LRGUK: variants seen among roughly 807,000 people sequenced by gnomAD.
The protein encoded by LRGUK is leucine-rich repeat and guanylate kinase domain-containing protein.
A neutral mutation model predicts 76.0 loss-of-function variants in LRGUK; 65 were observed. The ratio of observed to expected loss-of-function variants is 0.85; its 90% CI spans 0.70 to 1.05. The LOEUF (loss-of-function observed/expected upper bound fraction) is 1.05, where lower values mean the gene tolerates loss of function less well. Among genes scored for constraint, LRGUK ranks in the 50% least tolerant of loss-of-function variants. LRGUK has a pLI of 0.00. For synonymous variants in LRGUK, 268 were observed against 265.6 expected (o/e 1.01, Z -0.09); for missense variants, 758 against 732.8 (o/e 1.03, Z -0.40).
chr7:134,144,120 C>T (rs1468812192), intron 4 of LRGUK, among the ~76,000 whole-genome samples: 4 of 152,122 alleles, frequency 2.6e-5, no homozygotes, highest in African/African-American at 4.8e-5. Flanking sequence ...AGTGCAGTTG[C>T]GCATTCTTGT....
chr7:134,250,612 T>G (rs1253264337), intron 18 of LRGUK, among the ~76,000 whole-genome samples: 2 of 152,242 alleles, frequency 1.3e-5, no homozygotes, highest in Non-Finnish European at 2.9e-5. Context: ...CCTTCCATAA[T>G]TTTGATGATG....
exon 16 of LRGUK, chr7:134,221,786 G>T: frequency 6.6e-7 from 1 of 1,517,108 alleles, no homozygotes; most frequent in Non-Finnish European, 8.8e-7. Flanking sequence ...CAGATGTTAA[G>T]ACATCCCACC....
At position 134,155,368 on chromosome 7, in the gene LRGUK, G is replaced by A. The variant is rs190111219; in HGVS notation, c.671-2667G>A. ...GAACCAGAAAGGATAGTATTAGTGA[G>A]CATAAACATCTGTTTGTAGGGCTAT... On this transcript the variant is annotated intron_variant, in intron 5 of 15. Transcript: ENST00000645682. 1.3e-5 allele frequency among the ~76,000 whole-genome samples: 2 copies of A among 152,270 alleles called. 1 individual carries two copies. Among genetic ancestry groups the A allele is most frequent in the Admixed American group, 1.3e-4 (2 of 15,278 alleles).
At chr7:134,173,467 G>A (rs1799344354) in intron 7 of LRGUK, among the ~76,000 whole-genome samples, 1 of 152,108 alleles carries the variant, frequency 6.6e-6, no homozygotes, top group South Asian at 2.1e-4. Context: ...TTGCAAAAGT[G>A]TAATATCTAC....
At chr7:134,237,050 C>CTTTTTTTTTTTT (rs10555261) in intron 16 of LRGUK, among the ~76,000 whole-genome samples, 3 of 75,170 alleles carry the variant, frequency 4.0e-5, no homozygotes, top group African/African-American at 8.4e-5. Flanking sequence ...TTTTCTCTTT[C>CTTTTTTTTTTTT]TTTTTTTTTT....
chr7:134,269,757 G>A, the LRGUK span, among the ~76,000 whole-genome samples: 1 of 152,148 alleles, frequency 6.6e-6, no homozygotes, highest in Non-Finnish European at 1.5e-5. Context: ...AGATGTGTGC[G>A]CTGTGACCAA....
At chr7:134,169,212 A>G (rs1799140624) in intron 7 of LRGUK, among the ~76,000 whole-genome samples, 1 of 149,952 alleles carries the variant, frequency 6.7e-6, no homozygotes, top group African/African-American at 2.5e-5. Context: ...CCATGAGAAG[A>G]CCCAGGTGAA....
chr7:134,248,891 A>C, intron 17 of LRGUK, 60 bp from the exon 18 acceptor site: 3 of 1,314,302 alleles, frequency 2.3e-6, no homozygotes. Context: ...ACATGTGTGT[A>C]CACTTGGTAT....
At chr7:134,140,568 C>A (rs1384561307) in intron 3 of LRGUK, among the ~76,000 whole-genome samples, 3 of 152,108 alleles carry the variant, frequency 2.0e-5, no homozygotes, top group East Asian at 3.9e-4. Flanking sequence ...GGGAAGTGAG[C>A]AAATCATTAC....
At chr7:134,194,554 CA>C (rs1341446469) in intron 12 of LRGUK, among the ~76,000 whole-genome samples, 7 of 151,972 alleles carry the variant, frequency 4.6e-5, no homozygotes, top group Non-Finnish European at 1.0e-4. Context: ...CCAGCCTGGG[CA>C]ACAAAATGAG....
At chr7:134,146,145 G>T (rs1222406) in intron 4 of LRGUK, among the ~76,000 whole-genome samples, 1 of 151,962 alleles carries the variant, frequency 6.6e-6, no homozygotes, top group South Asian at 2.1e-4. Context: ...ATGATGGTGG[G>T]AGCCTATAGT....
chr7:134,262,130 T>G (rs1485116687), intron 19 of LRGUK, among the ~76,000 whole-genome samples: 1 of 152,156 alleles, frequency 6.6e-6, no homozygotes, highest in African/African-American at 2.4e-5. Context: ...TCCCAGCACT[T>G]TGGGAGGCTG....
chr7:134,235,805 T>C (rs1802000079), intron 16 of LRGUK, among the ~76,000 whole-genome samples: 2 of 152,198 alleles, frequency 1.3e-5, no homozygotes, highest in African/African-American at 4.8e-5. Flanking sequence ...CTCTGAGTCA[T>C]TTTCTTATCT....
At chr7:134,253,186 C>A (rs747962090) in intron 18 of LRGUK, among the ~76,000 whole-genome samples, 29 of 152,106 alleles carry the variant, frequency 1.9e-4, no homozygotes, top group Non-Finnish European at 4.0e-4. Context: ...GGTTCTGCAG[C>A]GGAAAATTAC....
At chr7:134,175,902 A>C (rs1365469235) in intron 8 of LRGUK, among the ~76,000 whole-genome samples, 3 of 152,192 alleles carry the variant, frequency 2.0e-5, no homozygotes, top group Non-Finnish European at 4.4e-5. Context: ...ACAAATTCAT[A>C]ATAATACAAA....
intron 10 of LRGUK, among the ~76,000 whole-genome samples, chr7:134,183,264 A>G (rs1799835147): frequency 6.6e-6 from 1 of 152,228 alleles, no homozygotes; most frequent in Admixed American, 6.5e-5. Flanking sequence ...GAGGTAATGG[A>G]TGTATGACTC....
intron 12 of LRGUK, among the ~76,000 whole-genome samples, chr7:134,192,282 C>T (rs1452301930): frequency 1.3e-5 from 2 of 152,114 alleles, no homozygotes; most frequent in African/African-American, 4.8e-5. Flanking sequence ...TGGTCATGTT[C>T]CTGTTTGAGA....
At chr7:134,164,157 T>A (rs1158457248) in intron 7 of LRGUK, among the ~76,000 whole-genome samples, 1 of 152,208 alleles carries the variant, frequency 6.6e-6, no homozygotes, top group Non-Finnish European at 1.5e-5. Context: ...ATAGCTAGAT[T>A]TAGCCATCCT....
At chr7:134,175,620 T>C (rs1799447078) in intron 8 of LRGUK, among the ~76,000 whole-genome samples, 1 of 152,218 alleles carries the variant, frequency 6.6e-6, no homozygotes. Flanking sequence ...ACCTAAGCTT[T>C]GTACATTCAC....
Sources: allele counts gnomAD v4.1 joint callset (sites outside exome capture counted in the v4.1 genomes callset), GRCh38; gene constraint gnomAD v4.1.1; transcripts MANE v1.5; gene names NCBI Gene and HGNC (gene_info 2026-07-23, HGNC 2026-07-21).